LRP1B: variants seen among roughly 807,000 people sequenced by gnomAD.
LRP1B encodes low-density lipoprotein receptor-related protein 1B.
A neutral mutation model predicts 556.6 loss-of-function variants in LRP1B; 217 were observed. The ratio of observed to expected loss-of-function variants is 0.39; its 90% CI spans 0.35 to 0.44. The LOEUF (loss-of-function observed/expected upper bound fraction) is 0.44. Among genes scored for constraint, LRP1B ranks in the 20% least tolerant of loss-of-function variants. The pLI, the probability that LRP1B is intolerant of heterozygous loss-of-function variation, is 1.00. For synonymous variants in LRP1B, 2,047 were observed against 1,865.8 expected, an observed-to-expected ratio of 1.10 and a Z score of -2.50; for missense variants, 5,053 against 5,620.8, an observed-to-expected ratio of 0.90 and a Z score of 3.23.
chr2:141,400,311 T>C (rs1690402625), intron 3 of LRP1B, among the ~76,000 whole-genome samples: 1 of 152,200 alleles, frequency 6.6e-6, no homozygotes, highest in Admixed American at 6.5e-5. Flanking sequence ...ACATCAATCT[T>C]ATCATTTAAG....
At chr2:140,632,021 C>T (rs189719786) in intron 41 of LRP1B, among the ~76,000 whole-genome samples, 102 of 152,196 alleles carry the variant, frequency 6.7e-4, no homozygotes, top group African/African-American at 2.4e-3. Flanking sequence ...GAAAGAAAAA[C>T]AAACTCATCA....
At chr2:140,767,653 T>C (rs1442822841) in intron 35 of LRP1B, among the ~76,000 whole-genome samples, 2 of 149,852 alleles carry the variant, frequency 1.3e-5, no homozygotes, top group African/African-American at 2.5e-5. Flanking sequence ...TTAATTATTA[T>C]TTTTTTTATT....
At chr2:141,184,315 C>T (rs1405754160) in intron 7 of LRP1B, among the ~76,000 whole-genome samples, 2 of 151,998 alleles carry the variant, frequency 1.3e-5, no homozygotes, top group Non-Finnish European at 2.9e-5. Flanking sequence ...AAATCTGGCA[C>T]CTTGGCAGTT....
chr2:141,162,239 TG>T (rs1680066414), intron 7 of LRP1B, among the ~76,000 whole-genome samples: 1 of 152,128 alleles, frequency 6.6e-6, no homozygotes, highest in Non-Finnish European at 1.5e-5. Flanking sequence ...ACAAAAGGTC[TG>T]GATGTGTCAT....
At chr2:141,712,429 G>A (rs1429911039) in intron 2 of LRP1B, among the ~76,000 whole-genome samples, 1 of 151,972 alleles carries the variant, frequency 6.6e-6, no homozygotes, top group Admixed American at 6.6e-5. Context: ...TATAATGTAT[G>A]ATTATTCCAA....
At chr2:141,154,994 A>G (rs1204433582) in intron 7 of LRP1B, among the ~76,000 whole-genome samples, 1 of 151,942 alleles carries the variant, frequency 6.6e-6, no homozygotes, top group African/African-American at 2.4e-5. Context: ...TGTTCTGTAC[A>G]TTACTTTGCC....
intron 3 of LRP1B, among the ~76,000 whole-genome samples, chr2:141,332,694 G>A (rs1350135393): frequency 2.8e-5 from 4 of 141,338 alleles, no homozygotes; most frequent in African/African-American, 5.4e-5. Flanking sequence ...GGTCACGGTG[G>A]CCTTTTTGTT....
chr2:141,857,975 C>T (rs1698115664), intron 1 of LRP1B, among the ~76,000 whole-genome samples: 1 of 152,070 alleles, frequency 6.6e-6, no homozygotes, highest in Non-Finnish European at 1.5e-5. Flanking sequence ...TTACCTGTAC[C>T]TGGATTATTT....
chr2:142,072,922 T>G (rs1405323622), intron 1 of LRP1B, among the ~76,000 whole-genome samples: 2 of 152,072 alleles, frequency 1.3e-5, no homozygotes, highest in Non-Finnish European at 2.9e-5. Flanking sequence ...TGTAATTATT[T>G]CCTTCAGGAA....
At chr2:141,231,817 T>G (rs2105299626) in intron 5 of LRP1B, among the ~76,000 whole-genome samples, 1 of 152,276 alleles carries the variant, frequency 6.6e-6, no homozygotes, top group Middle Eastern at 3.4e-3. Flanking sequence ...ACATTAAATA[T>G]TTTTTATACA....
intron 6 of LRP1B, among the ~76,000 whole-genome samples, chr2:141,221,176 C>T (rs780276369): frequency 1.3e-5 from 2 of 151,322 alleles, no homozygotes; most frequent in East Asian, 2.0e-4. Flanking sequence ...TGCAAAGCCA[C>T]ACATAGGCTC....
chr2:141,306,723 T>C (rs952920796), intron 3 of LRP1B, among the ~76,000 whole-genome samples: 15 of 152,212 alleles, frequency 9.9e-5, no homozygotes, highest in African/African-American at 3.6e-4. Context: ...TTATTTGAAA[T>C]CTTTCTTTTC....
At chr2:141,392,484 G>C (rs78889944) in intron 3 of LRP1B, among the ~76,000 whole-genome samples, 2 of 97,224 alleles carry the variant, frequency 2.1e-5, no homozygotes, top group Admixed American at 1.1e-4. Flanking sequence ...AAAAAAAAGA[G>C]AGACTGTCAC....
intron 21 of LRP1B, among the ~76,000 whole-genome samples, chr2:140,915,653 A>AAAATAAATAAATAAAT (rs70991117): frequency 0.025 from 3,556 of 145,066 alleles, 93 homozygotes; most frequent in African/African-American, 0.071. Context: ...CTTTGTCTCA[A>AAAATAAATAAATAAAT]AAATAAATAA....
intron 2 of LRP1B, among the ~76,000 whole-genome samples, chr2:141,538,662 A>T (rs1685144627): frequency 7.9e-6 from 1 of 127,360 alleles, no homozygotes; most frequent in South Asian, 2.3e-4. Flanking sequence ...TTTGAGACAC[A>T]GTCTCGCTCT....
At chr2:141,818,950 A>G (rs1417297809) in intron 1 of LRP1B, among the ~76,000 whole-genome samples, 2 of 151,532 alleles carry the variant, frequency 1.3e-5, no homozygotes, top group Non-Finnish European at 1.5e-5. Flanking sequence ...CCTTTAATAA[A>G]AACTTTCTGG....
At chr2:140,288,875 A>G (rs1296839063) in intron 84 of LRP1B, among the ~76,000 whole-genome samples, 1 of 151,856 alleles carries the variant, frequency 6.6e-6, no homozygotes, top group Non-Finnish European at 1.5e-5. Context: ...TGCTTTGTAT[A>G]TGTACTCTTC....
At chr2:140,814,579 T>G (rs1486000734) in intron 31 of LRP1B, among the ~76,000 whole-genome samples, 1 of 152,224 alleles carries the variant, frequency 6.6e-6, no homozygotes, top group Non-Finnish European at 1.5e-5. Flanking sequence ...CTGATGAAAT[T>G]TATAATTACT....
chr2:141,873,076 CCAAAG>C (rs1698640896), intron 1 of LRP1B, among the ~76,000 whole-genome samples: 1 of 151,854 alleles, frequency 6.6e-6, no homozygotes, highest in South Asian at 2.1e-4. Context: ...AGATTTATGA[CCAAAG>C]CAAAGGTGGG....
Sources: gnomAD v4.1 joint callset for allele counts (sites outside exome capture counted in the v4.1 genomes callset) on GRCh38, gnomAD v4.1.1 for gene constraint, MANE v1.5 for transcripts, NCBI Gene and HGNC (gene_info 2026-07-23, HGNC 2026-07-21) for gene names.